The following TIPRL variants were observed in gnomAD, a reference collection of about 807,000 sequenced individuals.
TIPRL encodes the protein TOR signaling pathway regulator.
Under a neutral mutation model 32.3 loss-of-function variants are expected in TIPRL, and 10 were observed. The ratio of observed to expected loss-of-function variants is 0.31; its 90% confidence interval spans 0.19 to 0.52. The LOEUF (loss-of-function observed/expected upper bound fraction) is 0.52, where lower values mean the gene tolerates loss of function less well. Ranked by LOEUF, TIPRL falls within the 20% of genes least tolerant of loss-of-function variation. The probability of loss-of-function intolerance (pLI) is 0.96; values close to 1 mark genes in which losing one functional copy is unlikely to be tolerated. For synonymous variants in TIPRL, 100 were observed against 114.0 expected, an observed-to-expected ratio of 0.88 and a Z score of 0.78; for missense variants, 250 against 328.1, an observed-to-expected ratio of 0.76 and a Z score of 1.84.
Position 168,200,223 on chromosome 1 carries a change from G to T in TIPRL, c.*177G>T, listed in dbSNP as rs947592247. ...GTTTCACTCAACTGCTGTTTGTACT[G>T]TCTGTCTTCACATTCATATTCCAGA... On this transcript the variant is annotated 3_prime_UTR_variant, in exon 7 of 7. Coordinates refer to ENST00000367833, the MANE Select transcript of TIPRL (RefSeq NM_152902.5). The T allele has an allele frequency of 3.5e-6, 2 of 572,764 alleles. No individual in the cohort carries two copies. The highest frequency in any genetic ancestry group is 5.9e-6 in the Non-Finnish European group (2 of 339,784). The allele number at this position is 572,764 out of a possible 1,614,324, so 35.5% of individuals were successfully genotyped here. A position where few individuals can be genotyped will look rare whatever the true frequency, so the allele number is the denominator to read the frequency against.
intron 3 of TIPRL, among the ~76,000 whole-genome samples, chr1:168,189,268 GT>G (rs1392455605): frequency 6.6e-6 from 1 of 152,134 alleles, no homozygotes; most frequent in Non-Finnish European, 1.5e-5. Context: ...AAGTTTTTGG[GT>G]TTTTTTAGCC....
At chr1:168,196,463 T>C in intron 4 of TIPRL, 84 bp from the exon 5 acceptor site, 1 of 997,726 alleles carries the variant, frequency 1.0e-6, no homozygotes, top group South Asian at 2.3e-5. Flanking sequence ...TTTTGTTTTT[T>C]GTTTTCAAAT....
chr1:168,189,083 G>A (rs2102309199), intron 3 of TIPRL, among the ~76,000 whole-genome samples: 1 of 152,312 alleles, frequency 6.6e-6, no homozygotes, highest in South Asian at 2.1e-4. Flanking sequence ...TCCTTAGTGA[G>A]CACTGAGCAG....
rs1289504737 is a variant in TIPRL, at chr1:168,196,637, C to T, written c.607C>T (p.His203Tyr). 5 of 1,590,248 alleles carry T rather than the reference C, an allele frequency of 3.1e-6. No homozygotes were observed. Among genetic ancestry groups the T allele is most frequent in the Non-Finnish European group, 3.4e-6 (4 of 1,168,630 alleles). Residue 203 changes from histidine (H) to tyrosine (Y), a missense_variant, in exon 5 of 7, where the codon CAT (histidine) becomes TAT (tyrosine). Transcript: ENST00000367833. ...CAGAATGAATGACACGAGACTTTAC[C>T]ATGAGGTATTTATTGTTGTTTAATG... The part of the protein sequence containing the change: ...LIRMNDTRLY[H>Y]EADKTYMLRE...
intron 4 of TIPRL, among the ~76,000 whole-genome samples, chr1:168,191,858 C>CAAAAAAAA (rs60988834): frequency 3.2e-3 from 124 of 38,608 alleles, no homozygotes; most frequent in East Asian, 6.4e-3. Flanking sequence ...GGCGACAGAG[C>CAAAAAAAA]AAAAAAAAAA....
Position 168,179,627 on chromosome 1 carries a change from G to A in TIPRL, c.104+446G>A, listed in dbSNP as rs1025324950. ...CGTGCGCCTCAATTCACAGTCTCGT[G>A]AGAGAGACAGACAATTATATTACAG... On this transcript the variant is annotated intron_variant, in intron 1 of 6. Transcript: ENST00000367833. Among the ~76,000 whole-genome samples the A allele has an allele frequency of 9.6e-5, 11 of 114,810 alleles. No individual in the cohort carries two copies. In the Admixed American group the frequency reaches 9.7e-4, roughly 10 times the overall value. The allele number at this position is 114,810 out of a possible 152,430, so 75.3% of individuals were successfully genotyped here. A position where few individuals can be genotyped will look rare whatever the true frequency, so the allele number is the denominator to read the frequency against.
rs892314137 is a variant in TIPRL, at chr1:168,200,802, C to G, written c.*756C>G. 1 of 152,068 alleles carries G rather than the reference C, an allele frequency of 6.6e-6. No individual in the cohort carries two copies. Among genetic ancestry groups the G allele is most frequent in the Non-Finnish European group, 1.5e-5 (1 of 67,990 alleles). 9.4% of individuals were successfully genotyped at this position (152,068 alleles called of 1,614,324 possible). On this transcript the variant is annotated 3_prime_UTR_variant, in exon 7 of 7. Transcript: ENST00000367833. ...TACTGATATTTTTAATTTCCATCTT[C>G]CATGCAACCTCAGAGTGAATAAACC...
chr1:168,186,696 C>G (rs1003033098), intron 3 of TIPRL, among the ~76,000 whole-genome samples: 1 of 151,890 alleles, frequency 6.6e-6, no homozygotes, highest in African/African-American at 2.4e-5. Flanking sequence ...CCGAGGCAGG[C>G]AGATCACCTG....
At chr1:168,191,858 CAA>C (rs60988834) in intron 4 of TIPRL, among the ~76,000 whole-genome samples, 15 of 38,902 alleles carry the variant, frequency 3.9e-4, no homozygotes, top group East Asian at 9.0e-4. Flanking sequence ...GGCGACAGAG[CAA>C]AAAAAAAAAA....
In TIPRL at chr1:168,179,012, ACCGGTGTTCGCCG is replaced by A; in HGVS notation, c.-62_-50del. 1 of 1,409,468 alleles carries A rather than the reference ACCGGTGTTCGCCG, an allele frequency of 7.1e-7. No individual in the cohort carries two copies. The highest frequency in any genetic ancestry group is 1.8e-5 in the Admixed American group (1 of 54,586). The allele number at this position is 1,409,468 out of a possible 1,614,324, so 87.3% of individuals were successfully genotyped here. On this transcript the variant is annotated 5_prime_UTR_variant, in exon 1 of 7. Coordinates refer to ENST00000367833, the MANE Select transcript of TIPRL (RefSeq NM_152902.5). The stretch of plus-strand genomic sequence containing the variant: ...GGCTGGGCCGGAGGGAGGCGGAGGA[ACCGGTGTTCGCCG>A]CCGCCGCTGCTTCAGCTTATTCCTT...
chr1:168,188,777 G>A (rs1044617037), intron 3 of TIPRL, among the ~76,000 whole-genome samples: 3 of 151,970 alleles, frequency 2.0e-5, no homozygotes, highest in Admixed American at 6.6e-5. Context: ...TCAGGAGTTC[G>A]AGACCAGCCT....
intron 3 of TIPRL, among the ~76,000 whole-genome samples, chr1:168,189,301 C>G (rs1700064618): frequency 6.6e-6 from 1 of 152,170 alleles, no homozygotes. Flanking sequence ...TTGTCTTCAT[C>G]AAGAAGGTTT....
Position 168,191,490 on chromosome 1 carries a change from G to A in TIPRL, c.506G>A (p.Ser169Asn). Reference protein sequence around the residue: ...ELHDHGVSSLSVKIRVMPSSF... With the variant: ...ELHDHGVSSLNVKIRVMPSSF... Reference sequence around the variant, plus strand: ...CATGATCATGGAGTTTCAAGCCTGAGTGTGAAGATTGTGAGTATTATTTTT... The same window carrying A: ...CATGATCATGGAGTTTCAAGCCTGAATGTGAAGATTGTGAGTATTATTTTT... Residue 169 changes from serine (S) to asparagine (N), a missense_variant, in exon 4 of 7, where the codon AGT (serine) becomes AAT (asparagine). Coordinates refer to ENST00000367833, the MANE Select transcript of TIPRL (RefSeq NM_152902.5). 1 of 1,497,690 alleles carries A rather than the reference G, an allele frequency of 6.7e-7. No homozygotes were observed. Among genetic ancestry groups the A allele is most frequent in the Non-Finnish European group, 8.8e-7 (1 of 1,132,114 alleles). The allele number at this position is 1,497,690 out of a possible 1,614,324, so 92.8% of individuals were successfully genotyped here.
intron 5 of TIPRL, among the ~76,000 whole-genome samples, chr1:168,198,173 T>C (rs77814347): frequency 0.039 from 5,935 of 152,244 alleles, 164 homozygotes; most frequent in African/African-American, 0.076. Context: ...TAAGATTCTC[T>C]GTAGAGATTT....
chr1:168,191,379 C>A lies in TIPRL; in HGVS notation c.395C>A (p.Thr132Lys). The change falls in exon 4 of 7, where the codon ACA becomes AAA. Residue 132 changes from threonine (T) to lysine (K), a missense_variant. By Grantham distance (78) the Thr-to-Lys change is moderately conservative. Transcript: ENST00000367833. ...GESLKLKVVP[T>K]TDHIDTEKLK... ...AATTTTTTCTTTCAGGTTGTACCTACAACAGATCATATAGATACAGAAAAA... is the reference window on the plus strand; with the variant it reads ...AATTTTTTCTTTCAGGTTGTACCTAAAACAGATCATATAGATACAGAAAAA... 1 of 1,531,648 alleles carries A rather than the reference C, an allele frequency of 6.5e-7. No homozygotes were observed. Among genetic ancestry groups the A allele is most frequent in the Non-Finnish European group, 8.7e-7 (1 of 1,152,460 alleles). 94.9% of individuals were successfully genotyped at this position (1,531,648 alleles called of 1,614,324 possible). A position where few individuals can be genotyped will look rare whatever the true frequency, so the allele number is the denominator to read the frequency against.
At chr1:168,193,548 A>G (rs1243700651) in intron 4 of TIPRL, among the ~76,000 whole-genome samples, 1 of 152,164 alleles carries the variant, frequency 6.6e-6, no homozygotes, top group Non-Finnish European at 1.5e-5. Flanking sequence ...CTAAATGTTC[A>G]TTATGAGTTT....
chr1:168,197,809 G>A (rs987378689), intron 5 of TIPRL, among the ~76,000 whole-genome samples: 19 of 152,258 alleles, frequency 1.2e-4, no homozygotes, highest in African/African-American at 4.6e-4. Flanking sequence ...TTATAGGCGT[G>A]AGCCACACCG....
intron 3 of TIPRL, 42 bp from the exon 4 acceptor site, chr1:168,191,327 C>T (rs779747988): frequency 2.6e-5 from 37 of 1,437,292 alleles, no homozygotes; most frequent in Middle Eastern, 3.8e-4. Flanking sequence ...AGCTCCTCAA[C>T]TTTTTTTTTA....
At chr1:168,197,583 G>A (rs1490865469) in intron 5 of TIPRL, among the ~76,000 whole-genome samples, 1 of 152,060 alleles carries the variant, frequency 6.6e-6, no homozygotes, top group Non-Finnish European at 1.5e-5. Context: ...GCAGTGGCGC[G>A]ATCTTGGCTC....
Sources: allele counts gnomAD v4.1 joint callset (sites outside exome capture counted in the v4.1 genomes callset), GRCh38; gene constraint gnomAD v4.1.1; transcripts MANE v1.5; gene names NCBI Gene and HGNC (gene_info 2026-07-23, HGNC 2026-07-21).